MPDZ: variants seen among roughly 807,000 people sequenced by gnomAD.
The protein encoded by MPDZ is multiple PDZ domain crumbs cell polarity complex component.
In MPDZ, 234 loss-of-function variants were observed where a neutral mutation model predicts 239.1. That is an observed-to-expected ratio of 0.98 (90% CI 0.88 to 1.09). MPDZ has a LOEUF of 1.09. Ranked by LOEUF, MPDZ falls within the 50% of genes least tolerant of loss-of-function variation. The probability of loss-of-function intolerance (pLI) is 0.00; values close to 1 mark genes in which losing one functional copy is unlikely to be tolerated. For synonymous variants in MPDZ, 1,048 were observed against 881.3 expected (o/e 1.19, Z -3.35); for missense variants, 3,175 against 2,510.0 (o/e 1.26, Z -5.66).
Position 13,136,216 on chromosome 9 carries a change from T to C in MPDZ, c.4293-34A>G, listed in dbSNP as rs781699425. The C allele has an allele frequency of 1.6e-5, 22 of 1,409,678 alleles. No individual in the cohort carries two copies. In the East Asian group the frequency reaches 4.6e-4, roughly 30 times the overall value. The allele number at this position is 1,409,678 out of a possible 1,614,324, so 87.3% of individuals were successfully genotyped here. A position where few individuals can be genotyped will look rare whatever the true frequency, so the allele number is the denominator to read the frequency against. ...AAAAAAACAACAACCTATTATAACA[T>C]CATGGTATTATTTTCATTCTCTTAC... On this transcript the variant is annotated intron_variant, in intron 30 of 46. Transcript: ENST00000319217.
At chr9:13,171,421 T>C (rs1485162180) in intron 21 of MPDZ, among the ~76,000 whole-genome samples, 1 of 152,126 alleles carries the variant, frequency 6.6e-6, no homozygotes, top group Non-Finnish European at 1.5e-5. Context: ...TAGACAGGCT[T>C]GAGTTCTGAC....
At position 13,138,083 on chromosome 9, in the gene MPDZ, A is replaced by G; in HGVS notation, c.4074T>C (p.Ser1358=). The part of the protein sequence containing the change: ...LHMIELEKGH[S]GLGLSLAGNK... ...TCCCAGCAAGACTTAGGCCCAAACC[A>G]CTATGACCTTTCTCCAGTTCAATCA... is the stretch of plus-strand genomic sequence containing the variant. Residue 1358 remains serine (S), a synonymous_variant, in exon 29 of 47, where the codon AGT becomes AGC. Transcript: ENST00000319217. 6.2e-7 allele frequency: 1 copy of G among 1,613,506 alleles called. No individual in the cohort carries two copies. The highest frequency in any genetic ancestry group is 8.5e-7 in the Non-Finnish European group (1 of 1,179,646).
chr9:13,140,059 C>CACT lies in MPDZ; in HGVS notation c.3928_3930dup (p.Ser1310dup), dbSNP rs752274145. On this transcript the variant is annotated inframe_insertion, in exon 28 of 47. Transcript: ENST00000319217. ...TTGCTTGCAGATGACTGTGTGTGAT[C>CACT]ACTACCCATTTCGGCAAAGGCTGAA... 1.9e-6 allele frequency: 3 copies of CACT among 1,613,208 alleles called. No individual in the cohort carries two copies. The highest frequency in any genetic ancestry group is 2.5e-6 in the Non-Finnish European group (3 of 1,179,730).
chr9:13,179,517 C>T (rs771244601), intron 19 of MPDZ, among the ~76,000 whole-genome samples: 6 of 152,128 alleles, frequency 3.9e-5, no homozygotes, highest in Admixed American at 1.3e-4. Context: ...AGACAACATA[C>T]GCCCACTTCA....
Position 13,211,927 on chromosome 9 carries a change from C to T in MPDZ, c.1290+4847G>A, listed in dbSNP as rs528602300. On this transcript the variant is annotated intron_variant, in intron 10 of 46. Transcript: ENST00000319217. ...ATGTTCAAATTTTATATTCTTTAAA[C>T]CTTAAAGACAAAAATTAATGTAAAA... 4.6e-5 allele frequency among the ~76,000 whole-genome samples: 7 copies of T among 151,928 alleles called. No homozygotes were observed. In the South Asian group the frequency reaches 1.5e-3, roughly 31 times the overall value.
chr9:13,214,749 G>A (rs1958071094), intron 10 of MPDZ, among the ~76,000 whole-genome samples: 2 of 151,980 alleles, frequency 1.3e-5, no homozygotes, highest in Non-Finnish European at 2.9e-5. Context: ...ACAAAAACAT[G>A]TACAGTAATT....
intron 1 of MPDZ, among the ~76,000 whole-genome samples, chr9:13,260,426 G>A (rs1970421827): frequency 6.6e-6 from 1 of 152,132 alleles, no homozygotes; most frequent in African/African-American, 2.4e-5. Context: ...CTGATGGATG[G>A]TAATACTACA....
At chr9:13,121,968 G>A (rs769758630) in intron 37 of MPDZ, 36 bp from the exon 38 acceptor site, 10 of 1,603,860 alleles carry the variant, frequency 6.2e-6, no homozygotes, top group Non-Finnish European at 8.5e-6. Flanking sequence ...TAAGGAACAT[G>A]AGAAGTAAAG....
intron 43 of MPDZ, among the ~76,000 whole-genome samples, chr9:13,111,648 A>T (rs968791825): frequency 2.6e-5 from 4 of 152,328 alleles, no homozygotes; most frequent in Non-Finnish European, 5.9e-5. Flanking sequence ...GCAAATAAGT[A>T]ATACTTTTCA....
chr9:13,205,035 CCTT>C lies in MPDZ; in HGVS notation c.1544_1546del (p.Glu515del), dbSNP rs746069416. Reference sequence around the variant, plus strand: ...ACAATAAGCTGGCGCTAGGTGTTTACCTTCTTCTTCAGTTGGTAATATGTTGGT... The same window carrying C: ...ACAATAAGCTGGCGCTAGGTGTTTACCTTCTTCAGTTGGTAATATGTTGGT... On this transcript the variant is annotated inframe_deletion and splice_region_variant, in exon 12 of 47. Transcript: ENST00000319217. 32 of 1,446,512 alleles carry C rather than the reference CCTT, an allele frequency of 2.2e-5. 1 individual carries two copies. The highest frequency in any genetic ancestry group is 9.1e-5 in the Admixed American group (3 of 32,896). 89.6% of individuals were successfully genotyped at this position (1,446,512 alleles called of 1,614,324 possible).
chr9:13,210,147 T>C (rs1957451047), intron 10 of MPDZ, among the ~76,000 whole-genome samples: 2 of 150,618 alleles, frequency 1.3e-5, no homozygotes, highest in Admixed American at 6.6e-5. Context: ...AGAAAAAAGA[T>C]CTACCAGCCT....
Position 13,190,287 on chromosome 9 carries a change from G to T in MPDZ, c.1981C>A (p.Leu661Ile). 2 of 1,585,350 alleles carry T rather than the reference G, an allele frequency of 1.3e-6. No individual in the cohort carries two copies. Among genetic ancestry groups the T allele is most frequent in the Non-Finnish European group, 1.7e-6 (2 of 1,166,486 alleles). ...TCTGATGACCCGATGAACTCACCTA[G>T]ATCTACGTGAGGCTGGATAATATCA... ...IELTEKPHVDLGEFIGSSETE... is the reference protein window; with the variant it reads ...IELTEKPHVDIGEFIGSSETE... The change falls in exon 16 of 47, where the codon CTA becomes ATA. Residue 661 changes from leucine (L) to isoleucine (I), a missense_variant. Coordinates refer to ENST00000319217, the MANE Select transcript of MPDZ (RefSeq NM_001378778.1).
Position 13,138,126 on chromosome 9 carries a change from A to G in MPDZ, c.4031T>C (p.Leu1344Pro). Residue 1344 changes from leucine (L) to proline (P), a missense_variant, in exon 29 of 47, where the codon CTA becomes CCA. Transcript: ENST00000319217. ...WKNIRERYGTLTGELHMIELE... is the reference protein window; with the variant it reads ...WKNIRERYGTPTGELHMIELE... ...TTCAATCATATGCAGCTCGCCTGTT[A>G]GGGTTCCATAACGCTCTCTGATATT... 6.3e-7 allele frequency: 1 copy of G among 1,599,750 alleles called. No homozygotes were observed. Among genetic ancestry groups the G allele is most frequent in the Non-Finnish European group, 8.5e-7 (1 of 1,172,774 alleles).
At chr9:13,138,828 C>A (rs1425327036) in intron 28 of MPDZ, among the ~76,000 whole-genome samples, 2 of 152,174 alleles carry the variant, frequency 1.3e-5, no homozygotes, top group Non-Finnish European at 2.9e-5. Flanking sequence ...GAGCGACCAG[C>A]CAACAGCCAG....
chr9:13,114,302 CTTTAAA>C (rs1943007027), intron 40 of MPDZ, among the ~76,000 whole-genome samples: 4 of 152,118 alleles, frequency 2.6e-5, no homozygotes, highest in African/African-American at 7.2e-5. Flanking sequence ...AACTAATCTT[CTTTAAA>C]TTTAAACTGA....
intron 32 of MPDZ, among the ~76,000 whole-genome samples, chr9:13,132,314 C>T (rs1391404674): frequency 6.6e-6 from 1 of 152,158 alleles, no homozygotes; most frequent in African/African-American, 2.4e-5. Flanking sequence ...AAGTGAGGAC[C>T]AATGGGATTA....
intron 32 of MPDZ, among the ~76,000 whole-genome samples, chr9:13,131,997 CCTTA>C (rs1204225887): frequency 2.6e-5 from 4 of 152,168 alleles, no homozygotes; most frequent in African/African-American, 7.2e-5. Context: ...TGTATGTTCC[CCTTA>C]CTTACTTTGG....
At chr9:13,143,286 C>T (rs555946210) in intron 27 of MPDZ, among the ~76,000 whole-genome samples, 180 bp downstream of exon 27, 15 of 152,200 alleles carry the variant, frequency 9.9e-5, no homozygotes, top group African/African-American at 3.6e-4. Context: ...TAAATATTCT[C>T]TGGCAGGAAA....
chr9:13,122,197 T>C (rs2131624264), intron 36 of MPDZ, 27 bp from the exon 37 acceptor site: 1 of 1,599,216 alleles, frequency 6.3e-7, no homozygotes, highest in Non-Finnish European at 8.6e-7. Flanking sequence ...AACATACCCA[T>C]ACTTATCCCA....
Sources: gnomAD v4.1 joint callset for allele counts (sites outside exome capture counted in the v4.1 genomes callset) on GRCh38, gnomAD v4.1.1 for gene constraint, MANE v1.5 for transcripts, NCBI Gene and HGNC (gene_info 2026-07-23, HGNC 2026-07-21) for gene names.